The following HS6ST3 variants were observed in gnomAD, a reference collection of about 807,000 sequenced individuals.
HS6ST3 encodes the protein heparan-sulfate 6-O-sulfotransferase 3.
A neutral mutation model predicts 36.7 loss-of-function variants in HS6ST3; 12 were observed. The observed-to-expected ratio is 0.33, with a 90% CI of 0.21 to 0.53. The LOEUF is 0.53. Among genes scored for constraint, HS6ST3 ranks in the 20% least tolerant of loss-of-function variants. The pLI is 0.95. For synonymous variants in HS6ST3, 240 were observed against 257.5 expected (o/e 0.93, Z 0.65); for missense variants, 584 against 640.9 (o/e 0.91, Z 0.96).
At chr13:96,333,450 A>C (rs1464070149) in intron 1 of HS6ST3, among the ~76,000 whole-genome samples, 1 of 152,188 alleles carries the variant, frequency 6.6e-6, no homozygotes, top group Non-Finnish European at 1.5e-5. Context: ...GACCAAGGAA[A>C]GGTGACCAGG....
chr13:96,310,649 G>GTCCCTCCCTCCCTCCCTGCCTATC (rs1183438382), intron 1 of HS6ST3, among the ~76,000 whole-genome samples: 1 of 85,334 alleles, frequency 1.2e-5, no homozygotes, highest in Non-Finnish European at 2.2e-5. Context: ...CCTTCTCTAT[G>GTCCCTCCCTCCCTCCCTGCCTATC]TCCCTCCCTC....
intron 1 of HS6ST3, among the ~76,000 whole-genome samples, chr13:96,504,647 G>T (rs2056019068): frequency 6.6e-6 from 1 of 152,184 alleles, no homozygotes; most frequent in African/African-American, 2.4e-5. Context: ...ACTCCTTAGT[G>T]ACATTTGGTG....
chr13:96,182,005 C>T lies in HS6ST3; in HGVS notation c.707+90436C>T, dbSNP rs546753867. 7.2e-5 allele frequency among the ~76,000 whole-genome samples: 11 copies of T among 152,152 alleles called. No homozygotes were observed. In the East Asian group the frequency reaches 9.7e-4, roughly 13 times the overall value. ...CTACCCTGTTTTGTTTTATCTGCTC[C>T]GTAAGTTAGAAGAAGAAATTTGTCA... On this transcript the variant is annotated intron_variant, in intron 1 of 1. Coordinates refer to ENST00000376705, the MANE Select transcript of HS6ST3 (RefSeq NM_153456.4).
At chr13:96,460,566 G>T (rs1566367378) in intron 1 of HS6ST3, among the ~76,000 whole-genome samples, 2 of 152,138 alleles carry the variant, frequency 1.3e-5, no homozygotes, top group Admixed American at 6.5e-5. Context: ...TGTTGGCCTG[G>T]TCTATACACC....
intron 1 of HS6ST3, among the ~76,000 whole-genome samples, chr13:96,497,333 T>G (rs74106491): frequency 0.027 from 4,097 of 152,260 alleles, 180 homozygotes; most frequent in African/African-American, 0.089. Context: ...AGACTCATGA[T>G]CACCCCGAGG....
intron 1 of HS6ST3, 53 bp downstream of exon 1, chr13:96,091,622 C>T (rs2053765435): frequency 3.3e-6 from 5 of 1,495,810 alleles, no homozygotes; most frequent in Admixed American, 4.0e-5. Context: ...CATCCCTCTT[C>T]CTCAGTCCTG....
intron 1 of HS6ST3, among the ~76,000 whole-genome samples, chr13:96,626,117 C>G (rs1360241873): frequency 6.6e-6 from 1 of 152,140 alleles, no homozygotes; most frequent in African/African-American, 2.4e-5. Flanking sequence ...GCTGGGATTA[C>G]AGGCGTGAGC....
At chr13:96,600,443 C>T (rs897366264) in intron 1 of HS6ST3, among the ~76,000 whole-genome samples, 3 of 150,942 alleles carry the variant, frequency 2.0e-5, no homozygotes, top group Non-Finnish European at 3.0e-5. Flanking sequence ...TCTTTGTTTA[C>T]TGTGCTGTTT....
At chr13:96,155,192 G>A (rs568828106) in intron 1 of HS6ST3, among the ~76,000 whole-genome samples, 2 of 152,116 alleles carry the variant, frequency 1.3e-5, no homozygotes, top group East Asian at 3.9e-4. Context: ...CATAATTAAA[G>A]TTTTATAAAA....
intron 1 of HS6ST3, among the ~76,000 whole-genome samples, chr13:96,293,558 A>G (rs1041854869): frequency 1.1e-4 from 16 of 151,564 alleles, no homozygotes; most frequent in African/African-American, 2.9e-4. Context: ...ATATATATAC[A>G]CTCCCCCCTC....
rs1270692964 is a variant in HS6ST3, at chr13:96,328,956, A to G, written c.707+237387A>G. Among the ~76,000 whole-genome samples, 15 of 151,614 alleles carry G rather than the reference A, an allele frequency of 9.9e-5. No homozygotes were observed. The South Asian group carries it at 2.9e-3, about 30-fold the overall frequency. ...TTTATCCATTTCTTCTAGATTTTCT[A>G]GTTTATTTGCGTAGAGGTGTTTGTA... On this transcript the variant is annotated intron_variant, in intron 1 of 1. Transcript: ENST00000376705.
intron 1 of HS6ST3, among the ~76,000 whole-genome samples, chr13:96,401,074 G>A (rs1200260948): frequency 6.6e-5 from 10 of 152,068 alleles, no homozygotes; most frequent in Non-Finnish European, 1.5e-4. Flanking sequence ...CAGCTGCATA[G>A]GGAAGACATC....
At chr13:96,579,689 T>A (rs1302648639) in intron 1 of HS6ST3, among the ~76,000 whole-genome samples, 3 of 152,150 alleles carry the variant, frequency 2.0e-5, no homozygotes, top group African/African-American at 2.4e-5. Flanking sequence ...TTAAGCTAAT[T>A]CAAGAAATAC....
intron 1 of HS6ST3, among the ~76,000 whole-genome samples, chr13:96,375,201 C>G (rs761138603): frequency 2.6e-5 from 4 of 152,116 alleles, no homozygotes; most frequent in African/African-American, 7.2e-5. Flanking sequence ...ACACCACCCT[C>G]GTAAAGGGTG....
chr13:96,366,447 T>TAAAATAAATAAATAAATAAATAAATAAA (rs1338497724), intron 1 of HS6ST3, among the ~76,000 whole-genome samples: 1 of 83,384 alleles, frequency 1.2e-5, no homozygotes, highest in Non-Finnish European at 2.5e-5. Context: ...AGACCTTGTC[T>TAAAATAAATAAATAAATAAATAAATAAA]CAAATAAATA....
chr13:96,308,946 G>T (rs2054926995), intron 1 of HS6ST3, among the ~76,000 whole-genome samples: 2 of 152,088 alleles, frequency 1.3e-5, no homozygotes, highest in African/African-American at 4.8e-5. Context: ...CCTTTGTCTA[G>T]CGTTAAGGAG....
intron 1 of HS6ST3, among the ~76,000 whole-genome samples, chr13:96,584,528 T>A (rs1328180387): frequency 6.6e-6 from 1 of 152,146 alleles, no homozygotes; most frequent in Non-Finnish European, 1.5e-5. Flanking sequence ...CTATCCCAAT[T>A]TTCTAGGACC....
chr13:96,657,733 T>C (rs1230852542), intron 1 of HS6ST3, among the ~76,000 whole-genome samples: 1 of 152,124 alleles, frequency 6.6e-6, no homozygotes, highest in East Asian at 1.9e-4. Flanking sequence ...GAACCTTACA[T>C]GGCAGCAGAC....
rs574908203 is a variant in HS6ST3, at chr13:96,277,104, C to T, written c.707+185535C>T. Reference sequence around the variant, plus strand: ...CCTGGGACAGATTCCACCACTCTTGCCAAAGTCCCTGTTTGGACATATTCA... The same window carrying T: ...CCTGGGACAGATTCCACCACTCTTGTCAAAGTCCCTGTTTGGACATATTCA... On this transcript the variant is annotated intron_variant, in intron 1 of 1. Transcript: ENST00000376705. 2.1e-3 allele frequency among the ~76,000 whole-genome samples: 314 copies of T among 152,290 alleles called. 1 individual carries two copies. Among genetic ancestry groups the T allele is most frequent in the Middle Eastern group, 0.02 (6 of 294 alleles).
Sources: allele counts gnomAD v4.1 joint callset (sites outside exome capture counted in the v4.1 genomes callset), GRCh38; gene constraint gnomAD v4.1.1; transcripts MANE v1.5; gene names NCBI Gene and HGNC (gene_info 2026-07-23, HGNC 2026-07-21).